DOC2A: variants seen among roughly 807,000 people sequenced by gnomAD.
DOC2A encodes the protein double C2-like domain-containing protein alpha.
Under a neutral mutation model 40.6 loss-of-function variants are expected in DOC2A, and 28 were observed. That is an observed-to-expected ratio of 0.69 (90% confidence interval 0.51 to 0.95). The LOEUF (loss-of-function observed/expected upper bound fraction) is 0.95. Ranked by LOEUF, DOC2A falls within the 40% of genes least tolerant of loss-of-function variation. DOC2A has a pLI of 0.00. For missense variants in DOC2A, 474 were observed against 552.5 expected (o/e 0.86, Z 1.42); for synonymous variants, 241 against 236.9 (o/e 1.02, Z -0.16).
intron 1 of DOC2A, among the ~76,000 whole-genome samples, chr16:30,020,191 G>T (rs1226641841): frequency 6.6e-6 from 1 of 152,038 alleles, no homozygotes; most frequent in Admixed American, 6.6e-5. Context: ...TTATAGGTGT[G>T]AGCCACCGCG....
At chr16:30,017,818 G>A (rs2070869171) in intron 1 of DOC2A, among the ~76,000 whole-genome samples, 1 of 151,624 alleles carries the variant, frequency 6.6e-6, no homozygotes, top group Admixed American at 6.6e-5. Flanking sequence ...TAATTAAGTG[G>A]GCTTGGTGGC....
upstream of DOC2A, chr16:30,013,603 C>CAAAAAAAAAAAAAAAAAAAAAAA (rs61309249): frequency 1.1e-4 from 4 of 34,910 alleles, no homozygotes; most frequent in Admixed American, 2.6e-4. Flanking sequence ...GACCCTGTCT[C>CAAAAAAAAAAAAAAAAAAAAAAA]AAAAAAAAAA....
At chr16:30,014,209 T>A (rs2150961486), upstream of DOC2A, among the ~76,000 whole-genome samples, 1 of 149,936 alleles carries the variant, frequency 6.7e-6, no homozygotes, top group African/African-American at 2.5e-5. Flanking sequence ...GTCTCACTAC[T>A]TTGCCCAAGC....
chr16:30,022,121 G>A (rs2070919345), upstream of DOC2A, among the ~76,000 whole-genome samples: 1 of 151,544 alleles, frequency 6.6e-6, no homozygotes, highest in African/African-American at 2.4e-5. Context: ...GTGATGGTGC[G>A]CGCCTGTAAT....
rs758069645 is a variant in DOC2A, at chr16:30,010,008, G to C, written c.215C>G (p.Thr72Arg). ...APPAALLGATTPEDGAEVDSY... is the reference protein window; with the variant it reads ...APPAALLGATRPEDGAEVDSY... ...GTCCACCTCCGCACCATCCTCAGGC[G>C]TGGTGGCCCCAAGGAGGGCTGCAGG... The change falls in exon 2 of 11, where the codon ACG (threonine) becomes AGG (arginine). Residue 72 changes from threonine to arginine, a missense_variant. By Grantham distance (71) the Thr-to-Arg change is moderately conservative. Coordinates refer to ENST00000350119, the MANE Select transcript of DOC2A (RefSeq NM_003586.3). This position sits in a 1 kb window ranked among gnomAD's most constrained non-coding sequence, Gnocchi z 4.2. 1 of 1,612,208 alleles carries C rather than the reference G, an allele frequency of 6.2e-7. No homozygotes were observed. The highest frequency in any genetic ancestry group is 8.5e-7 in the Non-Finnish European group (1 of 1,179,868).
Position 30,005,617 on chromosome 16 carries a change from G to C in DOC2A, c.*569C>G. 3 of 663,090 alleles carry C rather than the reference G, an allele frequency of 4.5e-6. No homozygotes were observed. The highest frequency in any genetic ancestry group is 7.7e-6 in the Non-Finnish European group (3 of 391,818). 41.1% of individuals were successfully genotyped at this position (663,090 alleles called of 1,614,324 possible). A position where few individuals can be genotyped will look rare whatever the true frequency, so the allele number is the denominator to read the frequency against. ...GGTGTCCCCCAGGAGGGTGGCAGGG[G>C]CCCTGCCTTCAAACCCCGGCCCCCT... On this transcript the variant is annotated 3_prime_UTR_variant, in exon 11 of 11. Transcript: ENST00000350119.
chr16:30,010,178 C>T lies in DOC2A; in HGVS notation c.45G>A (p.Glu15=), dbSNP rs748710060. Residue 15 remains glutamate, a synonymous_variant, in exon 2 of 11, where the codon GAG becomes GAA. Transcript: ENST00000350119. The surrounding 1 kb of genome is among the most constrained non-coding windows in gnomAD (Gnocchi z 4.2). The stretch of plus-strand genomic sequence containing the variant: ...CGGGGCACACGTTGATGGCCATGTG[C>T]TCCTGGATGTTGATGGTCATGCGAT... The part of the protein sequence containing the change: ...RGDRMTINIQ[E]HMAINVCPGP... 1.9e-6 allele frequency: 3 copies of T among 1,614,042 alleles called. No individual in the cohort carries two copies. In the South Asian group the frequency reaches 3.3e-5, roughly 18 times the overall value.
In DOC2A at chr16:30,007,299, C is replaced by A; in HGVS notation, c.528G>T (p.Arg176Ser). 6.2e-7 allele frequency: 1 copy of A among 1,613,812 alleles called. No individual in the cohort carries two copies. The highest frequency in any genetic ancestry group is 8.5e-7 in the Non-Finnish European group (1 of 1,180,036). The change falls in exon 6 of 11, where the codon AGG becomes AGT. Residue 176 changes from arginine to serine, a missense_variant and splice_region_variant. Transcript: ENST00000350119. ...GCTTGTCCTCATCACAGACGGCGAT[C>A]CTGGTCGGGAACTGCAGTGTCAGGG... ...TDDDITHKVL[R>S]IAVCDEDKLS...
In DOC2A at chr16:30,007,457, C is replaced by T. The variant is rs763452493; in HGVS notation, c.528-158G>A. ...AGGACAAGCAGATTTGCCCATTCCT[C>T]TGTCCCTCCCTCTGCAGCCACCCGG... is the stretch of plus-strand genomic sequence containing the variant. On this transcript the variant is annotated intron_variant, in intron 5 of 10. Coordinates refer to ENST00000350119, the MANE Select transcript of DOC2A (RefSeq NM_003586.3). 1.7e-5 allele frequency: 16 copies of T among 962,182 alleles called. No homozygotes were observed. The Middle Eastern group carries it at 1.5e-3, about 89-fold the overall frequency. 59.6% of individuals were successfully genotyped at this position (962,182 alleles called of 1,614,324 possible). A position where few individuals can be genotyped will look rare whatever the true frequency, so the allele number is the denominator to read the frequency against.
rs984870082 is a variant in DOC2A at position 30,006,073 on chromosome 16, ATAGG to A, written c.*109_*112del. ...ACCCGGGTCACGGAGACTCACAAAA[ATAGG>A]TAGTGCAGGGTGGGGGCAGCCCACC... On this transcript the variant is annotated 3_prime_UTR_variant, in exon 11 of 11. Transcript: ENST00000350119. This position sits in a 1 kb window ranked among gnomAD's most constrained non-coding sequence, Gnocchi z 6.2. 1.6e-6 allele frequency: 2 copies of A among 1,252,076 alleles called. No individual in the cohort carries two copies. Among genetic ancestry groups the A allele is most frequent in the African/African-American group, 1.5e-5 (1 of 66,258 alleles). 77.6% of individuals were successfully genotyped at this position (1,252,076 alleles called of 1,614,324 possible).
At chr16:30,011,803 T>C (rs1468148221), upstream of DOC2A, 1 of 151,958 alleles carries the variant, frequency 6.6e-6, no homozygotes, top group Non-Finnish European at 1.5e-5. Flanking sequence ...CCAACCCAAC[T>C]CCCAGGGGCC....
In DOC2A at chr16:30,009,838, C is replaced by G; in HGVS notation, c.262+123G>C. On this transcript the variant is annotated intron_variant, in intron 2 of 10. Transcript: ENST00000350119. This position sits in a 1 kb window ranked among gnomAD's most constrained non-coding sequence, Gnocchi z 4.1. ...CAGCTGTGGTGGCCGTCCCTGCCAC[C>G]CCCCCACTGCCCTCCTCCCCTACCT... The G allele has an allele frequency of 1.8e-6, 2 of 1,118,306 alleles. No individual in the cohort carries two copies. Among genetic ancestry groups the G allele is most frequent in the Non-Finnish European group, 2.6e-6 (2 of 755,148 alleles). 69.3% of individuals were successfully genotyped at this position (1,118,306 alleles called of 1,614,324 possible). A position where few individuals can be genotyped will look rare whatever the true frequency, so the allele number is the denominator to read the frequency against.
chr16:30,010,946 G>A lies in DOC2A; in HGVS notation c.-57C>T, dbSNP rs757819626. 3 of 1,011,456 alleles carry A rather than the reference G, an allele frequency of 3.0e-6. No homozygotes were observed. Among genetic ancestry groups the A allele is most frequent in the African/African-American group, 1.7e-5 (1 of 57,570 alleles). 62.7% of individuals were successfully genotyped at this position (1,011,456 alleles called of 1,614,324 possible). A position where few individuals can be genotyped will look rare whatever the true frequency, so the allele number is the denominator to read the frequency against. On this transcript the variant is annotated 5_prime_UTR_variant, in exon 1 of 11. Coordinates refer to ENST00000350119, the MANE Select transcript of DOC2A (RefSeq NM_003586.3). This position sits in a 1 kb window ranked among gnomAD's most constrained non-coding sequence, Gnocchi z 4.2. ...CCCAGGCACTGGGGGGACGGCGGGC[G>A]CAGGCTGGGCGGCGGCGGCCGGCGA...
upstream of DOC2A, among the ~76,000 whole-genome samples, chr16:30,014,083 G>A (rs528681103): frequency 5.9e-5 from 9 of 152,002 alleles, no homozygotes; most frequent in East Asian, 1.7e-3. Flanking sequence ...CCCAGAAGCA[G>A]GGGACCAGTT....
rs1328224563 is a variant in DOC2A, at chr16:30,006,482, T to C, written c.988A>G (p.Thr330Ala). 1 of 1,613,078 alleles carries C rather than the reference T, an allele frequency of 6.2e-7. No individual in the cohort carries two copies. The highest frequency in any genetic ancestry group is 1.3e-5 in the African/African-American group (1 of 74,592). ...ACTTCCAGGGTCTTGGTGGCCAGAG[T>C]GGAGAGCTCTATCTCGTAGAAAAAC... ...EEFFYEIELS[T>A]LATKTLEVTV... The change falls in exon 10 of 11, where the codon ACT (threonine) becomes GCT (alanine). Residue 330 changes from threonine (T) to alanine (A), a missense_variant. By Grantham distance (58) the Thr-to-Ala change is moderately conservative (BLOSUM62 0). Coordinates refer to ENST00000350119, the MANE Select transcript of DOC2A (RefSeq NM_003586.3). The surrounding 1 kb of genome is among the most constrained non-coding windows in gnomAD (Gnocchi z 6.2).
Position 30,009,686 on chromosome 16 carries a change from T to G in DOC2A, c.263-129A>C. ...GCGAGTGTGAGTGCAAGAGGCTGAG[T>G]GGGCCCATGCGTGTGTGCGTCTGGG... On this transcript the variant is annotated intron_variant, in intron 2 of 10. Coordinates refer to ENST00000350119, the MANE Select transcript of DOC2A (RefSeq NM_003586.3). The surrounding 1 kb of genome is among the most constrained non-coding windows in gnomAD (Gnocchi z 4.1). The G allele has an allele frequency of 1.0e-6, 1 of 955,490 alleles. No homozygotes were observed. The highest frequency in any genetic ancestry group is 1.4e-5 in the South Asian group (1 of 71,742). 59.2% of individuals were successfully genotyped at this position (955,490 alleles called of 1,614,324 possible).
In DOC2A at chr16:30,010,339, T is replaced by C; in HGVS notation, c.-13-104A>G. The C allele has an allele frequency of 6.7e-7, 1 of 1,486,958 alleles. No homozygotes were observed. The highest frequency in any genetic ancestry group is 9.3e-7 in the Non-Finnish European group (1 of 1,080,322). The allele number at this position is 1,486,958 out of a possible 1,614,324, so 92.1% of individuals were successfully genotyped here. A position where few individuals can be genotyped will look rare whatever the true frequency, so the allele number is the denominator to read the frequency against. On this transcript the variant is annotated intron_variant, in intron 1 of 10. Coordinates refer to ENST00000350119, the MANE Select transcript of DOC2A (RefSeq NM_003586.3). The surrounding 1 kb of genome is among the most constrained non-coding windows in gnomAD (Gnocchi z 4.2). Reference sequence around the variant, plus strand: ...CTGTGGGGCCCTCACTGGCCTCCCTTCCTAGGTGTCGAGGGAGAGGGTGGT... The same window carrying C: ...CTGTGGGGCCCTCACTGGCCTCCCTCCCTAGGTGTCGAGGGAGAGGGTGGT...
chr16:30,017,200 G>A (rs1239954575), upstream of DOC2A, among the ~76,000 whole-genome samples: 1 of 151,388 alleles, frequency 6.6e-6, no homozygotes, highest in East Asian at 1.9e-4. Context: ...GATCGCTTGA[G>A]CCCAGGAGTT....
In DOC2A at chr16:30,010,448, C is replaced by T. The variant is rs1209629485; in HGVS notation, c.-13-213G>A. 8 of 642,998 alleles carry T rather than the reference C, an allele frequency of 1.2e-5. No individual in the cohort carries two copies. In the East Asian group the frequency reaches 2.2e-4, roughly 18 times the overall value. The allele number at this position is 642,998 out of a possible 1,614,324, so 39.8% of individuals were successfully genotyped here. A position where few individuals can be genotyped will look rare whatever the true frequency, so the allele number is the denominator to read the frequency against. On this transcript the variant is annotated intron_variant, in intron 1 of 10. Transcript: ENST00000350119. This position sits in a 1 kb window ranked among gnomAD's most constrained non-coding sequence, Gnocchi z 4.2. ...CAGGGGCTGGGCTGCCAACCCACTCCTTGCAGAAGTCGAGGTTGCACCACC... is the reference window on the plus strand; with the variant it reads ...CAGGGGCTGGGCTGCCAACCCACTCTTTGCAGAAGTCGAGGTTGCACCACC...
Sources: gnomAD v4.1 joint callset for allele counts (sites outside exome capture counted in the v4.1 genomes callset) on GRCh38, gnomAD v4.1.1 for gene constraint, Gnocchi (gnomAD v3.1) non-coding constraint, MANE v1.5 for transcripts, NCBI Gene and HGNC (gene_info 2026-07-23, HGNC 2026-07-21) for gene names.